Variants in IDS observed in about 807,000 individuals in gnomAD.
IDS encodes alpha-L-iduronate sulfate sulfatase.
Under a neutral mutation model 33.5 loss-of-function variants are expected in IDS, and 1 was observed. The observed-to-expected ratio is 0.03, with a 90% CI of 0.01 to 0.14. The LOEUF (loss-of-function observed/expected upper bound fraction) is 0.14. Ranked by LOEUF, IDS falls within the 10% of genes least tolerant of loss-of-function variation. The pLI, the probability that IDS is intolerant of heterozygous loss-of-function variation, is 1.00. For missense variants in IDS, 328 were observed against 448.0 expected, an observed-to-expected ratio of 0.73 and a Z score of 2.42; for synonymous variants, 191 against 184.4, an observed-to-expected ratio of 1.04 and a Z score of -0.29.
intron 6 of IDS, chrX:149,491,670 G>A (rs968679557): frequency 1.0e-6 from 1 of 997,601 alleles, no homozygotes; most frequent in Non-Finnish European, 1.3e-6. Context: ...TGGTCCTCCT[G>A]GGGATGAAAG....
chrX:149,477,601 C>T lies in IDS; in HGVS notation c.*5145G>A, dbSNP rs1360224491. ...GTCAGGCAGGGCATGGAGTAATAGC[C>T]GGGAAACTCTGATCCCAAAGAAAAC... is the stretch of plus-strand genomic sequence containing the variant. On this transcript the variant is annotated 3_prime_UTR_variant, in exon 9 of 9. Coordinates refer to ENST00000340855, the MANE Select transcript of IDS (RefSeq NM_000202.8). The T allele has an allele frequency of 8.9e-6, 1 of 112,927 alleles. No individual in the cohort carries two copies. The highest frequency in any genetic ancestry group is 3.2e-5 in the African/African-American group (1 of 31,053). 9.3% of individuals were successfully genotyped at this position (112,927 alleles called of 1,213,427 possible).
chrX:149,492,869 G>C (rs1471046775), intron 6 of IDS, among the ~76,000 whole-genome samples: 5 of 110,195 alleles, frequency 4.5e-5, no homozygotes, highest in African/African-American at 1.7e-4. Flanking sequence ...GCATCAAGCA[G>C]ACATGGGGGC....
intron 6 of IDS, among the ~76,000 whole-genome samples, chrX:149,492,530 A>C (rs1557338854): frequency 9.0e-6 from 1 of 111,270 alleles, no homozygotes. Context: ...GGGTGACTAG[A>C]AAGTTAGGTC....
rs185546185 is a variant in IDS, at chrX:149,504,628, G to A, written c.104-335C>T. Among the ~76,000 whole-genome samples, 371 of 110,156 alleles carry A rather than the reference G, an allele frequency of 3.4e-3. 1 individual carries two copies. The highest frequency in any genetic ancestry group is 5.7e-3 in the Non-Finnish European group (300 of 52,648). On this transcript the variant is annotated intron_variant, in intron 1 of 8. Transcript: ENST00000340855. ...TGGTTGGATGGAGGAAGATAAGGAG[G>A]AAAAGATGAATAGCTGAAGGGAAGA...
chrX:149,497,044 C>T (rs1003349543), intron 5 of IDS, among the ~76,000 whole-genome samples: 7 of 112,101 alleles, frequency 6.2e-5, no homozygotes, highest in Admixed American at 9.4e-5. Flanking sequence ...CTCCCAGCAA[C>T]GAGTTGTGTG....
At chrX:149,491,545 C>A in intron 6 of IDS, 1 of 971,794 alleles carries the variant, frequency 1.0e-6, no homozygotes, top group South Asian at 2.0e-5. Context: ...CACCCGTTCT[C>A]ACTTGCAGTC....
At position 149,504,282 on chromosome X, in the gene IDS, C is replaced by T. The variant is rs931984538; in HGVS notation, c.115G>A (p.Val39Ile). ...AGGTCATCCACGATGATGAGAAGAA[C>T]GTTCAGAGCATCTACACAGGAGGGA... ...QANSTTDALN[V>I]LLIIVDDLRP... Residue 39 changes from valine (V) to isoleucine (I), a missense_variant, in exon 2 of 9, where the codon GTT (valine) becomes ATT (isoleucine). Physicochemically the swap from Val to Ile is conservative, Grantham distance 29. Around this residue, in one of 4 missense-constraint regions of IDS, gnomAD observed 45 missense variants for 33.6 expected, o/e 1.34. Coordinates refer to ENST00000340855, the MANE Select transcript of IDS (RefSeq NM_000202.8). 2 of 1,202,353 alleles carry T rather than the reference C, an allele frequency of 1.7e-6. No individual in the cohort carries two copies. The highest frequency in any genetic ancestry group is 2.2e-6 in the Non-Finnish European group (2 of 891,101).
chrX:149,481,081 G>A lies in IDS; in HGVS notation c.*1665C>T, dbSNP rs1557337386. ...TGTGGAGCAGGCAATAAAGCCAAAT[G>A]CACTGAACTATGTCATAAGGAATTT... On this transcript the variant is annotated 3_prime_UTR_variant, in exon 9 of 9. Coordinates refer to ENST00000340855, the MANE Select transcript of IDS (RefSeq NM_000202.8). 8.9e-6 allele frequency: 1 copy of A among 112,251 alleles called. No homozygotes were observed. Among genetic ancestry groups the A allele is most frequent in the Non-Finnish European group, 1.9e-5 (1 of 53,315 alleles). 9.3% of individuals were successfully genotyped at this position (112,251 alleles called of 1,213,427 possible).
At chrX:149,503,208 A>G (rs2089494374) in intron 3 of IDS, 104 bp downstream of exon 3, 3 of 1,169,328 alleles carry the variant, frequency 2.6e-6, no homozygotes, top group Non-Finnish European at 3.4e-6. Context: ...GGACTCGCCC[A>G]GCCAGAAGAG....
In IDS at chrX:149,481,536, A is replaced by G. The variant is rs1338612193; in HGVS notation, c.*1210T>C. 2.7e-5 allele frequency: 3 copies of G among 112,344 alleles called. No individual in the cohort carries two copies. The highest frequency in any genetic ancestry group is 5.6e-4 in the East Asian group (2 of 3,596). The allele number at this position is 112,344 out of a possible 1,213,427, so 9.3% of individuals were successfully genotyped here. ...TTACTCCTTCACTACAGGACAGTAGATATTTAATATTTATTTAGAAAGCTA... is the reference window on the plus strand; with the variant it reads ...TTACTCCTTCACTACAGGACAGTAGGTATTTAATATTTATTTAGAAAGCTA... On this transcript the variant is annotated 3_prime_UTR_variant, in exon 9 of 9. Transcript: ENST00000340855.
chrX:149,488,183 A>G (rs1327931729), intron 7 of IDS, among the ~76,000 whole-genome samples: 2 of 105,498 alleles, frequency 1.9e-5, no homozygotes, highest in East Asian at 6.0e-4. Flanking sequence ...CAGATAGCTC[A>G]GTGGAGCTCA....
chrX:149,490,069 G>GA lies in IDS; in HGVS notation c.1006+244dup, dbSNP rs1270375402. ...GGAGGGTTCCTGCTGCATTCATCAA[G>GA]AAAAAAAAAAAAGTTGCTGCAAGAC... On this transcript the variant is annotated intron_variant, in intron 7 of 8. Coordinates refer to ENST00000340855, the MANE Select transcript of IDS (RefSeq NM_000202.8). 3.4e-3 allele frequency among the ~76,000 whole-genome samples: 333 copies of GA among 99,318 alleles called. 3 individuals are homozygous for GA. Among genetic ancestry groups the GA allele is most frequent in the African/African-American group, 0.01 (284 of 27,182 alleles). 86.2% of individuals were successfully genotyped at this position (99,318 alleles called of 115,157 possible).
chrX:149,484,378 G>A (rs1480936890), intron 8 of IDS, among the ~76,000 whole-genome samples: 2 of 112,308 alleles, frequency 1.8e-5, no homozygotes, highest in Non-Finnish European at 3.8e-5. Flanking sequence ...GTTCAGTGGC[G>A]CAATCTCGGC....
intron 6 of IDS, among the ~76,000 whole-genome samples, chrX:149,492,541 C>T (rs1557338857): frequency 9.0e-6 from 1 of 110,851 alleles, no homozygotes; most frequent in African/African-American, 3.3e-5. Context: ...AAGTTAGGTC[C>T]GGGCCAGATA....
intron 6 of IDS, among the ~76,000 whole-genome samples, chrX:149,493,595 T>A (rs1317330727): frequency 9.1e-6 from 1 of 110,392 alleles, no homozygotes; most frequent in Admixed American, 9.6e-5. Flanking sequence ...GCAGGGTAGG[T>A]AGGTGAGAAG....
chrX:149,501,299 T>C (rs1292419662), intron 3 of IDS, among the ~76,000 whole-genome samples: 1 of 112,005 alleles, frequency 8.9e-6, no homozygotes, highest in Non-Finnish European at 1.9e-5. Flanking sequence ...AGTCAGCTCC[T>C]TAGAGCCCAT....
At chrX:149,484,614 C>T (rs59962334) in intron 8 of IDS, among the ~76,000 whole-genome samples, 1,389 of 112,837 alleles carry the variant, frequency 0.012, 20 homozygotes, top group African/African-American at 0.042. Flanking sequence ...GCCACCACGC[C>T]CAGCCTTTCA....
intron 8 of IDS, among the ~76,000 whole-genome samples, chrX:149,484,327 C>CT (rs782010746): frequency 6.7e-4 from 75 of 111,158 alleles, no homozygotes; most frequent in African/African-American, 2.2e-3. Flanking sequence ...TTGTTTCATT[C>CT]TTTTTTTTTA....
chrX:149,490,405 T>C lies in IDS; in HGVS notation c.915A>G (p.Ser305=). Residue 305 remains serine, a synonymous_variant, in exon 7 of 9, where the codon TCA becomes TCG. Coordinates refer to ENST00000340855, the MANE Select transcript of IDS (RefSeq NM_000202.8). ...GGCGGCCGACCTGTGTATCCAAATA[T>C]GACACAGAGGCAAAGTAGCTCTGGC... ...KIRQSYFASV[S]YLDTQVGRLL... is the part of the protein sequence containing the mutation. 8.3e-7 allele frequency: 1 copy of C among 1,210,343 alleles called. No individual in the cohort carries two copies. Among genetic ancestry groups the C allele is most frequent in the African/African-American group, 1.7e-5 (1 of 57,755 alleles).
Sources: gnomAD v4.1 joint callset for allele counts (sites outside exome capture counted in the v4.1 genomes callset) on GRCh38, gnomAD v4.1.1 for gene constraint, gnomAD v4.1.1 regional missense constraint, MANE v1.5 for transcripts, NCBI Gene and HGNC (gene_info 2026-07-23, HGNC 2026-07-21) for gene names.